SHANK2: variants seen among roughly 807,000 people sequenced by gnomAD.
SHANK2 encodes SH3 and multiple ankyrin repeat domains protein 2.
Under a neutral mutation model 133.7 loss-of-function variants are expected in SHANK2, and 43 were observed. That is an observed-to-expected ratio of 0.32 (90% CI 0.25 to 0.41). The LOEUF is 0.41. SHANK2 is among the 10% of genes least tolerant of loss of function. The pLI is 1.00. For missense variants in SHANK2, 1,994 were observed against 2,235.8 expected, an observed-to-expected ratio of 0.89 and a Z score of 2.18; for synonymous variants, 1,017 against 952.8, an observed-to-expected ratio of 1.07 and a Z score of -1.24.
Position 71,118,842 on chromosome 11 carries a change from A to C in SHANK2, c.398T>G (p.Val133Gly). ...REYPQPVGEGVPSLEFRYKKR... is the reference protein window; with the variant it reads ...REYPQPVGEGGPSLEFRYKKR... ...GCTGAAATATACCTCCAGGGAAGGA[A>C]CGCCCTCACCCACGGGCTGTGGGTA... Residue 133 changes from valine (V) to glycine (G), a missense_variant, in exon 4 of 26, where the codon GTT (valine) becomes GGT (glycine). Around this residue, in one of 5 missense-constraint regions of SHANK2, gnomAD observed 653 missense variants for 563.4 expected, o/e 1.16. Coordinates refer to ENST00000601538, the MANE Select transcript of SHANK2 (RefSeq NM_012309.5). 6.5e-7 allele frequency: 1 copy of C among 1,549,662 alleles called. No homozygotes were observed. Among genetic ancestry groups the C allele is most frequent in the South Asian group, 1.2e-5 (1 of 83,730 alleles).
chr11:70,858,704 C>A (rs923656523), intron 11 of SHANK2, among the ~76,000 whole-genome samples: 9 of 152,248 alleles, frequency 5.9e-5, no homozygotes, highest in Non-Finnish European at 1.3e-4. Flanking sequence ...AGAACCCAGA[C>A]CCCTGATTTA....
chr11:71,076,930 A>C (rs1310405650), intron 8 of SHANK2, among the ~76,000 whole-genome samples: 1 of 152,216 alleles, frequency 6.6e-6, no homozygotes, highest in East Asian at 1.9e-4. Flanking sequence ...AAAGTGACAG[A>C]GCCTGGGAGC....
chr11:71,090,540 C>CTGTGTGTATGTGTGTGTG (rs1951492772), intron 8 of SHANK2, among the ~76,000 whole-genome samples: 1 of 3,520 alleles, frequency 2.8e-4, no homozygotes, highest in African/African-American at 1.2e-3. Flanking sequence ...AACACAACCT[C>CTGTGTGTATGTGTGTGTG]TGTGTGTGTG....
At position 70,779,561 on chromosome 11, in the gene SHANK2, A is replaced by G. The variant is rs1205679588; in HGVS notation, c.1777+18882T>C. 2.6e-5 allele frequency among the ~76,000 whole-genome samples: 4 copies of G among 152,108 alleles called. No homozygotes were observed. The East Asian group carries it at 7.7e-4, about 29-fold the overall frequency. Reference sequence around the variant, plus strand: ...GTTTATACACACTGTGACTAACGACACTTCTGTTTAATAGGACTGTACCAT... The same window carrying G: ...GTTTATACACACTGTGACTAACGACGCTTCTGTTTAATAGGACTGTACCAT... On this transcript the variant is annotated intron_variant, in intron 14 of 25. Transcript: ENST00000601538.
intron 17 of SHANK2, among the ~76,000 whole-genome samples, chr11:70,654,853 C>T (rs1591710254): frequency 1.3e-5 from 2 of 151,618 alleles, no homozygotes; most frequent in African/African-American, 4.9e-5. Context: ...CGGCAACGTC[C>T]GCCTCCCGGG....
Position 71,208,660 on chromosome 11 carries a change from G to T in SHANK2, c.-13+16037C>A, listed in dbSNP as rs1294564044. Among the ~76,000 whole-genome samples, 8 of 152,238 alleles carry T rather than the reference G, an allele frequency of 5.3e-5. No homozygotes were observed. In the East Asian group the frequency reaches 1.2e-3, roughly 22 times the overall value. On this transcript the variant is annotated intron_variant, in intron 2 of 25. Transcript: ENST00000601538. ...AGCAGTCTCTGGAATACGAAACACT[G>T]GCTTGGAATCCTGATTCCAATTCCC... is the stretch of plus-strand genomic sequence containing the variant.
At chr11:70,533,689 G>A (rs551872922) in intron 17 of SHANK2, among the ~76,000 whole-genome samples, 4 of 152,120 alleles carry the variant, frequency 2.6e-5, no homozygotes, top group South Asian at 4.2e-4. Context: ...TAAAGTGTGC[G>A]ACTCCATGGC....
intron 6 of SHANK2, among the ~76,000 whole-genome samples, chr11:71,103,200 A>G (rs1337266584): frequency 1.3e-5 from 2 of 152,200 alleles, no homozygotes; most frequent in Non-Finnish European, 2.9e-5. Flanking sequence ...GGGCTCTCAG[A>G]GCTTCAGATT....
At chr11:70,703,727 C>T (rs1315642861) in intron 14 of SHANK2, among the ~76,000 whole-genome samples, 1 of 152,248 alleles carries the variant, frequency 6.6e-6, no homozygotes, top group South Asian at 2.1e-4. Flanking sequence ...TTTCCTGCCG[C>T]TGAGAGGTCA....
intron 14 of SHANK2, among the ~76,000 whole-genome samples, chr11:70,782,092 G>A (rs1245826432): frequency 5.3e-5 from 8 of 152,166 alleles, no homozygotes; most frequent in African/African-American, 1.9e-4. Flanking sequence ...TTTAGAGACA[G>A]TCCGCTCTGT....
chr11:70,947,977 C>A (rs1555085757), intron 10 of SHANK2, among the ~76,000 whole-genome samples: 1 of 152,108 alleles, frequency 6.6e-6, no homozygotes, highest in Non-Finnish European at 1.5e-5. Flanking sequence ...GGGCACCATC[C>A]CACCCCCACC....
At position 70,568,650 on chromosome 11, in the gene SHANK2, C is replaced by CCCCCCCA. The variant is rs1554982470; in HGVS notation, c.2062-65720_2062-65719insTGGGGGG. Among the ~76,000 whole-genome samples, 2 of 124,994 alleles carry CCCCCCCA rather than the reference C, an allele frequency of 1.6e-5. 1 individual carries two copies. The highest frequency in any genetic ancestry group is 3.5e-5 in the Non-Finnish European group (2 of 56,552). 82.0% of individuals were successfully genotyped at this position (124,994 alleles called of 152,430 possible). A position where few individuals can be genotyped will look rare whatever the true frequency, so the allele number is the denominator to read the frequency against. ...CCATGTGGGCAGCGGATTCCTGCCC[C>CCCCCCCA]CCCCGCCCACTTCCTCCCGGCCGGG... On this transcript the variant is annotated intron_variant, in intron 17 of 25. Coordinates refer to ENST00000601538, the MANE Select transcript of SHANK2 (RefSeq NM_012309.5).
chr11:71,151,751 C>A (rs12289383), intron 2 of SHANK2, among the ~76,000 whole-genome samples: 1 of 152,030 alleles, frequency 6.6e-6, no homozygotes, highest in Admixed American at 6.5e-5. Flanking sequence ...TGGTTCTGCC[C>A]CAGCTCAGGT....
At chr11:70,705,550 C>T (rs1208408629) in intron 14 of SHANK2, 7 of 152,226 alleles carry the variant, frequency 4.6e-5, no homozygotes, top group Non-Finnish European at 1.0e-4. Flanking sequence ...GGCCAGAACA[C>T]AGCATAGCAG....
intron 11 of SHANK2, among the ~76,000 whole-genome samples, chr11:70,855,883 A>G (rs782642080): frequency 1.3e-5 from 2 of 152,010 alleles, no homozygotes; most frequent in Non-Finnish European, 2.9e-5. Flanking sequence ...ACACTAATGA[A>G]TGGATAGATG....
chr11:70,491,378 C>T (rs782097576), intron 22 of SHANK2, among the ~76,000 whole-genome samples: 38 of 152,134 alleles, frequency 2.5e-4, no homozygotes, highest in Non-Finnish European at 3.7e-4. Context: ...GTGGGTGCCA[C>T]GAAGGACTGG....
In SHANK2 at chr11:70,500,464, C is replaced by T. The variant is rs754883374; in HGVS notation, c.2308+106G>A. ...GGCAGGACCCAGCAGGAGAAGCCAA[C>T]AAGGCTTTGCGACACATTTGAGACT... On this transcript the variant is annotated intron_variant, in intron 21 of 25. Coordinates refer to ENST00000601538, the MANE Select transcript of SHANK2 (RefSeq NM_012309.5). The surrounding 1 kb of genome is among the most constrained non-coding windows in gnomAD (Gnocchi z 4.5). 5 of 1,488,618 alleles carry T rather than the reference C, an allele frequency of 3.4e-6. No individual in the cohort carries two copies. Among genetic ancestry groups the T allele is most frequent in the South Asian group, 2.4e-5 (2 of 82,760 alleles). 92.2% of individuals were successfully genotyped at this position (1,488,618 alleles called of 1,614,324 possible).
intron 17 of SHANK2, among the ~76,000 whole-genome samples, chr11:70,587,002 G>A (rs1298915391): frequency 3.3e-5 from 5 of 152,000 alleles, no homozygotes; most frequent in South Asian, 2.1e-4. Context: ...TCCATGCACC[G>A]CTGGGCACAT....
chr11:70,829,724 GACA>G (rs1206733361), intron 11 of SHANK2, among the ~76,000 whole-genome samples: 5 of 152,198 alleles, frequency 3.3e-5, no homozygotes, highest in Admixed American at 2.0e-4. Context: ...TCAATAAGCA[GACA>G]ACTTTTCCCG....
Sources: gnomAD v4.1 joint callset for allele counts (sites outside exome capture counted in the v4.1 genomes callset) on GRCh38, gnomAD v4.1.1 for gene constraint, gnomAD v4.1.1 regional missense constraint, Gnocchi (gnomAD v3.1) non-coding constraint, MANE v1.5 for transcripts, NCBI Gene and HGNC (gene_info 2026-07-23, HGNC 2026-07-21) for gene names.